The following AREL1 variants were observed in gnomAD, a reference collection of about 807,000 sequenced individuals.
AREL1 encodes apoptosis-resistant E3 ubiquitin protein ligase 1.
A neutral mutation model predicts 99.0 loss-of-function variants in AREL1; 62 were observed. The observed-to-expected ratio is 0.63, with a 90% CI of 0.51 to 0.77. The LOEUF is 0.77. AREL1 is among the 30% of genes least tolerant of loss of function. The probability of loss-of-function intolerance (pLI) is 0.00; values close to 1 mark genes in which losing one functional copy is unlikely to be tolerated. For synonymous variants in AREL1, 380 were observed against 376.5 expected (o/e 1.01, Z -0.11); for missense variants, 879 against 1,027.6 (o/e 0.86, Z 1.98).
Position 74,671,474 on chromosome 14 carries a change from C to A in AREL1, c.1432G>T (p.Ala478Ser). The change falls in exon 12 of 20, where the codon GCC becomes TCC. Residue 478 changes from alanine (A) to serine (S), a missense_variant. Transcript: ENST00000356357. ...RHALLESSLK[A>S]TRNFSISDWS... ...TCTGAGATGGAGAAATTCCGAGTGG[C>A]TTTCAGAGACTGAAAAGAAGTGAAA... 1 of 1,594,268 alleles carries A rather than the reference C, an allele frequency of 6.3e-7. No individual in the cohort carries two copies. Among genetic ancestry groups the A allele is most frequent in the Non-Finnish European group, 8.5e-7 (1 of 1,172,126 alleles).
chr14:74,678,377 A>C (rs948190403), intron 5 of AREL1: 7 of 320,336 alleles, frequency 2.2e-5, no homozygotes, highest in Non-Finnish European at 4.2e-5. Flanking sequence ...GCACGCCTGT[A>C]GTCCCAGCTA....
chr14:74,673,892 G>A (rs1033150753), intron 9 of AREL1, 142 bp downstream of exon 9: 2 of 612,254 alleles, frequency 3.3e-6, no homozygotes, highest in African/African-American at 3.7e-5. Context: ...AGGAGATAAT[G>A]ATGCTTTATT....
chr14:74,683,828 A>C (rs1037253053), intron 4 of AREL1, among the ~76,000 whole-genome samples: 1 of 152,196 alleles, frequency 6.6e-6, no homozygotes, highest in South Asian at 2.1e-4. Flanking sequence ...TGAACCACCA[A>C]TGCTGCCTCC....
intron 3 of AREL1, 42 bp downstream of exon 3, chr14:74,685,558 C>T (rs746569722): frequency 2.2e-5 from 36 of 1,612,300 alleles, no homozygotes; most frequent in East Asian, 4.5e-5. Flanking sequence ...CCCAAGCAAC[C>T]TTTACAAAAA....
At chr14:74,678,275 T>C (rs1321336818) in intron 5 of AREL1, 7 of 450,184 alleles carry the variant, frequency 1.6e-5, no homozygotes, top group South Asian at 6.3e-5. Flanking sequence ...AGCAGGAAGA[T>C]TACTTGAGTC....
rs768142006 is a variant in AREL1, at chr14:74,669,657, A to G, written c.1906T>C (p.Leu636=). ...TTTGTCCTCTTTCTCACCTTATCCA[A>G]TTGACCTGATTTATTATATTTCTCT... ...AEEKYNKSGQ[L]DKVVELMTGG... Residue 636 remains leucine (L), a synonymous_variant, in exon 15 of 20, where the codon TTG becomes CTG. Coordinates refer to ENST00000356357, the MANE Select transcript of AREL1 (RefSeq NM_001039479.2). 1.9e-6 allele frequency: 3 copies of G among 1,614,008 alleles called. No individual in the cohort carries two copies. Among genetic ancestry groups the G allele is most frequent in the Non-Finnish European group, 2.5e-6 (3 of 1,179,966 alleles).
chr14:74,703,008 T>C (rs1358942053), intron 1 of AREL1, among the ~76,000 whole-genome samples: 1 of 152,228 alleles, frequency 6.6e-6, no homozygotes, highest in African/African-American at 2.4e-5. Flanking sequence ...CACATTTTCC[T>C]GTCTTCCTCT....
intron 1 of AREL1, among the ~76,000 whole-genome samples, chr14:74,707,826 G>A (rs1471115155): frequency 3.3e-5 from 5 of 149,268 alleles, no homozygotes; most frequent in Admixed American, 2.7e-4. Flanking sequence ...GTATGGTGGC[G>A]GGCGCCTATA....
chr14:74,676,042 G>A (rs2089465568), intron 7 of AREL1, 96 bp from the exon 8 acceptor site: 2 of 1,548,050 alleles, frequency 1.3e-6, no homozygotes, highest in Non-Finnish European at 1.7e-6. Context: ...GCCAAATGTG[G>A]CCCAAATATC....
chr14:74,664,587 C>T (rs1386034151), intron 18 of AREL1, among the ~76,000 whole-genome samples: 2 of 149,658 alleles, frequency 1.3e-5, no homozygotes, highest in East Asian at 2.0e-4. Flanking sequence ...GCTGGGACTA[C>T]AGGCATGTGC....
In AREL1 at chr14:74,671,447, A is replaced by T; in HGVS notation, c.1459T>A (p.Trp487Arg). ...AAAACAACCTCAAAGTTCTTGCTCCAATCTGAGATGGAGAAATTCCGAGTG... is the reference window on the plus strand; with the variant it reads ...AAAACAACCTCAAAGTTCTTGCTCCTATCTGAGATGGAGAAATTCCGAGTG... ...KATRNFSISD[W>R]SKNFEVVFQD... Residue 487 changes from tryptophan (W) to arginine (R), a missense_variant, in exon 12 of 20, where the codon TGG (tryptophan) becomes AGG (arginine). Coordinates refer to ENST00000356357, the MANE Select transcript of AREL1 (RefSeq NM_001039479.2). 1.3e-6 allele frequency: 2 copies of T among 1,594,898 alleles called. No individual in the cohort carries two copies.
intron 2 of AREL1, among the ~76,000 whole-genome samples, chr14:74,688,216 G>A (rs990728100): frequency 1.3e-5 from 2 of 151,760 alleles, no homozygotes; most frequent in Non-Finnish European, 2.9e-5. Flanking sequence ...TGGTAGAGAC[G>A]AGGTTTCACT....
At chr14:74,679,290 G>C (rs1456939335) in intron 5 of AREL1, among the ~76,000 whole-genome samples, 2 of 152,086 alleles carry the variant, frequency 1.3e-5, no homozygotes, top group African/African-American at 4.8e-5. Flanking sequence ...AGGTGTGGTG[G>C]CACATGCCAC....
intron 1 of AREL1, chr14:74,712,038 CAAAAAAAAAAAAAAAAAA>C (rs752599769): frequency 5.2e-4 from 15 of 28,706 alleles, no homozygotes; most frequent in African/African-American, 1.8e-3. Flanking sequence ...AGACAAAGTG[CAAAAAAAAAAAAAAAAAA>C]AAAAAAAAAA....
Position 74,667,461 on chromosome 14 carries a change from C to G in AREL1, c.2044+4G>C, listed in dbSNP as rs1409980191. ...TTCAAGGCCAAGAACAGACAGGATC[C>G]CACCTTTTAGGAAATGTTCCACCTC... On this transcript the variant is annotated splice_donor_region_variant and intron_variant, in intron 16 of 19. Transcript: ENST00000356357. 1.3e-5 allele frequency: 21 copies of G among 1,613,530 alleles called. No individual in the cohort carries two copies. The highest frequency in any genetic ancestry group is 1.7e-5 in the Admixed American group (1 of 59,968).
chr14:74,702,149 G>A (rs190223531), intron 1 of AREL1, among the ~76,000 whole-genome samples: 356 of 152,298 alleles, frequency 2.3e-3, no homozygotes, highest in African/African-American at 8.2e-3. Context: ...GGAGGACGGT[G>A]GCCCTCTTCT....
chr14:74,677,515 T>C (rs972568614), intron 5 of AREL1, among the ~76,000 whole-genome samples: 12 of 140,546 alleles, frequency 8.5e-5, no homozygotes, highest in Non-Finnish European at 1.7e-4. Context: ...TTTTTTTTTT[T>C]TTTTTTTTTG....
At chr14:74,712,067 AGAAAAAAAAAG>A (rs2090316450) in intron 1 of AREL1, 1 of 51,482 alleles carries the variant, frequency 1.9e-5, no homozygotes, top group African/African-American at 8.7e-5. Context: ...AAAAAAAAAA[AGAAAAAAAAAG>A]AAAGAAAGAA....
chr14:74,683,395 C>G lies in AREL1; in HGVS notation c.382G>C (p.Val128Leu), dbSNP rs753557283. The change falls in exon 5 of 20, where the codon GTG becomes CTG. Residue 128 changes from valine to leucine, a missense_variant. By Grantham distance (32) the Val-to-Leu change is conservative. Coordinates refer to ENST00000356357, the MANE Select transcript of AREL1 (RefSeq NM_001039479.2). ...LQEPNSNVVK[V>L]AFTVRKAGRY... ...CCAGCCTTGCGCACAGTGAAGGCCA[C>G]TTTTACTACGTTGGAATTGGGCTCC... 6.2e-7 allele frequency: 1 copy of G among 1,614,156 alleles called. No homozygotes were observed. Among genetic ancestry groups the G allele is most frequent in the South Asian group, 1.1e-5 (1 of 91,078 alleles).
Sources: allele counts gnomAD v4.1 joint callset (sites outside exome capture counted in the v4.1 genomes callset), GRCh38; gene constraint gnomAD v4.1.1; transcripts MANE v1.5; gene names NCBI Gene and HGNC (gene_info 2026-07-23, HGNC 2026-07-21).